Variants in CTNNA3 observed in about 807,000 individuals in gnomAD.
The protein encoded by CTNNA3 is catenin alpha 3, also known as catenin alpha-3.
CTNNA3 carries 76 observed loss-of-function variants against 95.7 expected under a neutral mutation model. That is an observed-to-expected ratio of 0.79 (90% confidence interval 0.66 to 0.96). CTNNA3 has a LOEUF of 0.96. CTNNA3 is among the 40% of genes least tolerant of loss of function. CTNNA3 has a pLI of 0.00. For missense variants in CTNNA3, 1,191 were observed against 1,089.8 expected (o/e 1.09, Z -1.31); for synonymous variants, 431 against 374.4 (o/e 1.15, Z -1.74).
At chr10:67,472,855 C>T (rs1305580881) in intron 5 of CTNNA3, among the ~76,000 whole-genome samples, 1 of 152,158 alleles carries the variant, frequency 6.6e-6, no homozygotes, top group Non-Finnish European at 1.5e-5. Flanking sequence ...AGTTGAGCCC[C>T]AATTCTGCAT....
chr10:66,596,638 T>C (rs917944713), intron 10 of CTNNA3, among the ~76,000 whole-genome samples: 1 of 151,910 alleles, frequency 6.6e-6, no homozygotes, highest in Non-Finnish European at 1.5e-5. Context: ...TACAAAAAGG[T>C]CTGAAAGACC....
intron 2 of CTNNA3, among the ~76,000 whole-genome samples, chr10:67,615,750 C>T (rs1426098754): frequency 6.8e-6 from 1 of 147,876 alleles, no homozygotes; most frequent in East Asian, 2.1e-4. Context: ...GCAACCTCTG[C>T]CTCCTGGGTT....
intron 13 of CTNNA3, among the ~76,000 whole-genome samples, chr10:66,116,925 C>T (rs899920619): frequency 6.6e-6 from 1 of 152,134 alleles, no homozygotes; most frequent in Admixed American, 6.5e-5. Flanking sequence ...TCCGCACACA[C>T]GATTCAATCA....
At chr10:65,990,392 T>C (rs79459077) in intron 15 of CTNNA3, among the ~76,000 whole-genome samples, 1 of 103,748 alleles carries the variant, frequency 9.6e-6, no homozygotes, top group East Asian at 3.5e-4. Flanking sequence ...CCAGCATCTG[T>C]TTTTTTTTTT....
intron 9 of CTNNA3, among the ~76,000 whole-genome samples, chr10:66,654,058 T>C (rs1048360289): frequency 5.3e-5 from 8 of 152,074 alleles, no homozygotes; most frequent in African/African-American, 1.9e-4. Flanking sequence ...AATGATTTTT[T>C]GGATATGATC....
At chr10:66,090,851 T>C (rs1589375141) in intron 14 of CTNNA3, among the ~76,000 whole-genome samples, 1 of 151,990 alleles carries the variant, frequency 6.6e-6, no homozygotes, top group Non-Finnish European at 1.5e-5. Context: ...GAAATACATG[T>C]TCACATTTCT....
chr10:66,208,110 T>C (rs978253393), intron 13 of CTNNA3, among the ~76,000 whole-genome samples: 2 of 152,058 alleles, frequency 1.3e-5, no homozygotes, highest in African/African-American at 4.8e-5. Context: ...AACCCACTTA[T>C]AGTTTCAAGA....
At chr10:66,903,969 A>C (rs1397259468) in intron 7 of CTNNA3, among the ~76,000 whole-genome samples, 5 of 152,228 alleles carry the variant, frequency 3.3e-5, no homozygotes, top group African/African-American at 7.2e-5. Context: ...TAATTTATAG[A>C]TTCAAAGTCG....
chr10:66,807,765 G>T (rs1841712603), intron 7 of CTNNA3, among the ~76,000 whole-genome samples: 1 of 151,930 alleles, frequency 6.6e-6, no homozygotes, highest in Non-Finnish European at 1.5e-5. Context: ...TCTTCCCCAG[G>T]CCTGTTTCTT....
At chr10:66,631,947 T>C (rs941005502) in intron 9 of CTNNA3, among the ~76,000 whole-genome samples, 1 of 134,126 alleles carries the variant, frequency 7.5e-6, no homozygotes, top group Admixed American at 8.0e-5. Flanking sequence ...TTAAAAGTTT[T>C]CATGACAAAA....
At chr10:66,603,696 T>A (rs181885135) in intron 10 of CTNNA3, among the ~76,000 whole-genome samples, 2 of 152,232 alleles carry the variant, frequency 1.3e-5, no homozygotes, top group Admixed American at 1.3e-4. Context: ...AAAGCTATAG[T>A]AACTAAAACA....
At chr10:66,344,348 C>T (rs1048668058) in intron 12 of CTNNA3, among the ~76,000 whole-genome samples, 4 of 151,514 alleles carry the variant, frequency 2.6e-5, no homozygotes, top group Admixed American at 6.6e-5. Context: ...CTCACTGCAA[C>T]CTCCGTCTCC....
intron 11 of CTNNA3, among the ~76,000 whole-genome samples, chr10:66,447,303 T>A (rs1400028047): frequency 1.3e-5 from 2 of 151,900 alleles, no homozygotes; most frequent in East Asian, 3.9e-4. Context: ...ATGACTTTCT[T>A]CACAGAATTG....
At chr10:66,064,377 C>A (rs945610331) in intron 15 of CTNNA3, among the ~76,000 whole-genome samples, 2 of 152,134 alleles carry the variant, frequency 1.3e-5, no homozygotes. Context: ...GGTGTTTTAC[C>A]AAGCCTTCTT....
chr10:67,249,258 TA>T (rs1181815524), intron 5 of CTNNA3, among the ~76,000 whole-genome samples: 1 of 152,072 alleles, frequency 6.6e-6, no homozygotes, highest in Non-Finnish European at 1.5e-5. Context: ...AATTACTCAT[TA>T]AAAAATGGGC....
intron 9 of CTNNA3, among the ~76,000 whole-genome samples, chr10:66,688,720 C>G (rs1485327694): frequency 6.6e-6 from 1 of 151,938 alleles, no homozygotes; most frequent in Non-Finnish European, 1.5e-5. Flanking sequence ...GCCTGTAATC[C>G]CAGCACTTTG....
intron 12 of CTNNA3, among the ~76,000 whole-genome samples, chr10:66,342,070 T>C (rs900710755): frequency 6.6e-6 from 1 of 151,988 alleles, no homozygotes; most frequent in Non-Finnish European, 1.5e-5. Context: ...CACACAGATT[T>C]CAATATTCTA....
chr10:67,100,802 A>G (rs2291106), intron 7 of CTNNA3, among the ~76,000 whole-genome samples: 2,370 of 151,724 alleles, frequency 0.016, 71 homozygotes, highest in East Asian at 0.11. Context: ...ATTAATCTCA[A>G]AGAAATTGAG....
intron 5 of CTNNA3, among the ~76,000 whole-genome samples, chr10:67,254,288 GCCCC>G (rs1564514721): frequency 6.6e-6 from 1 of 151,586 alleles, no homozygotes; most frequent in South Asian, 2.1e-4. Context: ...GCTAAGAAAA[GCCCC>G]CTAAAAAAAG....
Sources: gnomAD v4.1 joint callset for allele counts (sites outside exome capture counted in the v4.1 genomes callset) on GRCh38, gnomAD v4.1.1 for gene constraint, MANE v1.5 for transcripts, NCBI Gene and HGNC (gene_info 2026-07-23, HGNC 2026-07-21) for gene names.